ANKRD30B: variants seen among roughly 807,000 people sequenced by gnomAD.
ANKRD30B encodes ankyrin repeat domain 30B.
ANKRD30B carries 144 observed loss-of-function variants against 202.2 expected under a neutral mutation model. The ratio of observed to expected loss-of-function variants is 0.71; its 90% CI spans 0.62 to 0.82. The LOEUF (loss-of-function observed/expected upper bound fraction) is 0.82, where lower values mean the gene tolerates loss of function less well. Among genes scored for constraint, ANKRD30B ranks in the 40% least tolerant of loss-of-function variants. The probability of loss-of-function intolerance (pLI) is 0.00; values close to 1 mark genes in which losing one functional copy is unlikely to be tolerated. For missense variants in ANKRD30B, 1,487 were observed against 1,669.1 expected (o/e 0.89, Z 1.90); for synonymous variants, 508 against 561.3 (o/e 0.91, Z 1.34).
At chr18:14,902,996 A>G in the ANKRD30B span, among the ~76,000 whole-genome samples, 1 of 152,188 alleles carries the variant, frequency 6.6e-6, no homozygotes, top group East Asian at 1.9e-4. Flanking sequence ...CAATTCACAC[A>G]GTAGAGATGG....
chr18:14,880,149 A>G, the ANKRD30B span, among the ~76,000 whole-genome samples: 8,243 of 118,814 alleles, frequency 0.069, no homozygotes, highest in South Asian at 0.13. Flanking sequence ...TCCTTTCCCC[A>G]CTTTACGTTT....
At chr18:14,796,989 T>C (rs188822497) in intron 18 of ANKRD30B, among the ~76,000 whole-genome samples, 148 of 152,148 alleles carry the variant, frequency 9.7e-4, no homozygotes, top group Non-Finnish European at 1.5e-3. Flanking sequence ...AAAACAGAAA[T>C]GCAGACTTTC....
chr18:14,935,602 A>ATGTG, the ANKRD30B span, among the ~76,000 whole-genome samples: 1 of 152,018 alleles, frequency 6.6e-6, no homozygotes, highest in African/African-American at 2.4e-5. Flanking sequence ...CTTCTTGCAA[A>ATGTG]TGTGTGTGTG....
rs2143286473 is a variant in ANKRD30B at position 14,853,953 on chromosome 18, A to C, written c.*33+10A>C. ...CACATTAATCTCAAAGGTGAGATAC[A>C]GGATTTAATGAGGAAATGATTTCAA... On this transcript the variant is annotated intron_variant, in intron 43 of 43. Coordinates refer to ENST00000690538, the MANE Select transcript of ANKRD30B (RefSeq NM_001367607.2). 6.6e-6 allele frequency among the ~76,000 whole-genome samples: 1 copy of C among 152,346 alleles called. No individual in the cohort carries two copies. Among genetic ancestry groups the C allele is most frequent in the African/African-American group, 2.4e-5 (1 of 41,584 alleles).
intron 6 of ANKRD30B, among the ~76,000 whole-genome samples, chr18:14,761,513 T>A (rs1915257820): frequency 6.6e-6 from 1 of 151,984 alleles, no homozygotes; most frequent in Non-Finnish European, 1.5e-5. Flanking sequence ...GATAAACTAC[T>A]CTACTTTCCT....
At chr18:14,938,118 A>G in the ANKRD30B span, among the ~76,000 whole-genome samples, 1 of 152,062 alleles carries the variant, frequency 6.6e-6, no homozygotes, top group African/African-American at 2.4e-5. Context: ...GCCTTCCCCA[A>G]CTTAGGAGGA....
At position 14,784,536 on chromosome 18, in the gene ANKRD30B, G is replaced by A. The variant is rs758377915; in HGVS notation, c.1672+1G>A. On this transcript the variant is annotated splice_donor_variant, in intron 14 of 43. Transcript: ENST00000690538. LOFTEE classifies it high-confidence loss of function. ...AAGAATGAACAAACATTGAGAGCAG[G>A]TAAATTTTTCAATTTAACTATGCAA... The A allele has an allele frequency of 6.2e-7, 1 of 1,612,044 alleles. No individual in the cohort carries two copies. Among genetic ancestry groups the A allele is most frequent in the South Asian group, 1.1e-5 (1 of 90,960 alleles).
intron 3 of ANKRD30B, among the ~76,000 whole-genome samples, chr18:14,754,494 A>G (rs1193843730): frequency 6.6e-6 from 1 of 152,124 alleles, no homozygotes; most frequent in Non-Finnish European, 1.5e-5. Context: ...ATTCTTTGGA[A>G]TATAGTTTAA....
the ANKRD30B span, chr18:14,909,783 T>C: frequency 6.6e-6 from 1 of 152,204 alleles, no homozygotes; most frequent in Admixed American, 6.5e-5. Flanking sequence ...TATTCAAAGT[T>C]GTATTTCTAG....
intron 3 of ANKRD30B, 150 bp downstream of exon 3, chr18:14,753,162 A>G: frequency 1.6e-6 from 1 of 632,590 alleles, no homozygotes; most frequent in Non-Finnish European, 2.4e-6. Flanking sequence ...AACCTTAAAT[A>G]TTAATTTTTT....
intron 30 of ANKRD30B, among the ~76,000 whole-genome samples, chr18:14,821,160 T>C (rs1431906061): frequency 6.6e-6 from 1 of 152,220 alleles, no homozygotes; most frequent in Non-Finnish European, 1.5e-5. Context: ...TAGAGGTGTT[T>C]GTAGTATTCT....
At chr18:14,754,225 T>C (rs866427041) in intron 3 of ANKRD30B, among the ~76,000 whole-genome samples, 3 of 152,178 alleles carry the variant, frequency 2.0e-5, no homozygotes, top group Non-Finnish European at 4.4e-5. Flanking sequence ...CTTGGGATTA[T>C]TGATAGAATA....
the ANKRD30B span, among the ~76,000 whole-genome samples, chr18:14,912,168 A>G: frequency 9.9e-5 from 15 of 152,148 alleles, no homozygotes; most frequent in Non-Finnish European, 1.6e-4. Flanking sequence ...AGTAAGAGTG[A>G]TCAAAGTGGG....
At position 14,854,663 on chromosome 18, in the gene ANKRD30B, A is replaced by C. The variant is rs1568080680; in HGVS notation, c.*505A>C. On this transcript the variant is annotated 3_prime_UTR_variant, in exon 44 of 44. Coordinates refer to ENST00000690538, the MANE Select transcript of ANKRD30B (RefSeq NM_001367607.2). ...CAGGAACACTTTTTTATAATTATAA[A>C]AACACAAATTTCCTTGTTTTGTGGA... is the stretch of plus-strand genomic sequence containing the variant. Among the ~76,000 whole-genome samples the C allele has an allele frequency of 6.6e-6, 1 of 152,186 alleles. No individual in the cohort carries two copies. The highest frequency in any genetic ancestry group is 1.5e-5 in the Non-Finnish European group (1 of 68,038).
intron 26 of ANKRD30B, among the ~76,000 whole-genome samples, chr18:14,809,693 C>A (rs1224017032): frequency 6.6e-6 from 1 of 151,074 alleles, no homozygotes; most frequent in East Asian, 1.9e-4. Flanking sequence ...ACATCACGCG[C>A]TGTTGGCTCA....
intron 16 of ANKRD30B, among the ~76,000 whole-genome samples, chr18:14,791,754 G>T (rs552664075): frequency 3.3e-5 from 5 of 152,106 alleles, no homozygotes; most frequent in African/African-American, 1.2e-4. Flanking sequence ...AAAGGAGAAA[G>T]TAGTAAAAGA....
rs1176964137 is a variant in ANKRD30B at position 14,854,306 on chromosome 18, G to A, written c.*148G>A. On this transcript the variant is annotated 3_prime_UTR_variant, in exon 44 of 44. Transcript: ENST00000690538. The stretch of plus-strand genomic sequence containing the variant: ...AAAAATTTACTTCCCAAGATAGGAT[G>A]TACAGAACTAAAATGATAAAAGTCA... Among the ~76,000 whole-genome samples the A allele has an allele frequency of 3.9e-5, 6 of 152,098 alleles. No individual in the cohort carries two copies. The highest frequency in any genetic ancestry group is 6.5e-5 in the Admixed American group (1 of 15,286).
At chr18:14,888,761 C>A in the ANKRD30B span, 1 of 1,082,964 alleles carries the variant, frequency 9.2e-7, no homozygotes, top group Non-Finnish European at 1.3e-6. Flanking sequence ...CATTTTTTTT[C>A]CTCTTAGAGG....
chr18:14,770,016 A>C (rs1356214975), intron 8 of ANKRD30B, among the ~76,000 whole-genome samples: 3 of 152,178 alleles, frequency 2.0e-5, no homozygotes, highest in Non-Finnish European at 2.9e-5. Context: ...TTTAGAGGCT[A>C]TATCTTATAG....
Sources: allele counts gnomAD v4.1 joint callset (sites outside exome capture counted in the v4.1 genomes callset), GRCh38; gene constraint gnomAD v4.1.1; transcripts MANE v1.5; gene names NCBI Gene and HGNC (gene_info 2026-07-23, HGNC 2026-07-21).